EMB: variants seen among roughly 807,000 people sequenced by gnomAD.
The protein encoded by EMB is embigin homolog.
Under a neutral mutation model 41.4 loss-of-function variants are expected in EMB, and 31 were observed. The observed-to-expected ratio is 0.75, with a 90% confidence interval of 0.56 to 1.01. EMB has a LOEUF of 1.01. Among genes scored for constraint, EMB ranks in the 50% least tolerant of loss-of-function variants. The probability of loss-of-function intolerance (pLI) is 0.00; values close to 1 mark genes in which losing one functional copy is unlikely to be tolerated. For missense variants in EMB, 379 were observed against 388.3 expected, an observed-to-expected ratio of 0.98 and a Z score of 0.20; for synonymous variants, 137 against 140.4, an observed-to-expected ratio of 0.98 and a Z score of 0.17.
chr5:50,407,294 CT>C (rs1430955492), intron 4 of EMB, among the ~76,000 whole-genome samples: 1 of 151,980 alleles, frequency 6.6e-6, no homozygotes, highest in Non-Finnish European at 1.5e-5. Context: ...AGAATATACA[CT>C]GCTTTTCAGT....
chr5:50,431,153 G>C (rs1745714466), intron 1 of EMB, among the ~76,000 whole-genome samples: 1 of 152,136 alleles, frequency 6.6e-6, no homozygotes, highest in African/African-American at 2.4e-5. Flanking sequence ...AGGTTCCACG[G>C]AAAAAGTGCC....
At chr5:50,428,352 CAA>C (rs1225087079) in intron 1 of EMB, 125 bp from the exon 2 acceptor site, 1 of 1,273,586 alleles carries the variant, frequency 7.9e-7, no homozygotes, top group Non-Finnish European at 1.0e-6. Context: ...TCAGGAAGCT[CAA>C]AGTCTTATAT....
intron 2 of EMB, among the ~76,000 whole-genome samples, chr5:50,414,028 A>C (rs1579728489): frequency 6.6e-6 from 1 of 152,226 alleles, no homozygotes; most frequent in South Asian, 2.1e-4. Flanking sequence ...TGGGTAATAA[A>C]GCAATACAGA....
At chr5:50,435,709 A>G (rs1431141285) in intron 1 of EMB, among the ~76,000 whole-genome samples, 1 of 152,134 alleles carries the variant, frequency 6.6e-6, no homozygotes, top group Non-Finnish European at 1.5e-5. Context: ...TGATATTAGT[A>G]AGCATATTCT....
Position 50,403,422 on chromosome 5 carries a change from C to T in EMB, c.633G>A (p.Val211=), listed in dbSNP as rs370527951. Residue 211 remains valine (V), a synonymous_variant, in exon 6 of 9, where the codon GTG becomes GTA. Coordinates refer to ENST00000303221, the MANE Select transcript of EMB (RefSeq NM_198449.3). ...VPVGVQMNKY[V]INGTYANETK... ...TTTCGTTAGCATATGTTCCATTGAT[C>T]ACATATTTATTCATTTGAACACCAA... 6.2e-7 allele frequency: 1 copy of T among 1,612,224 alleles called. No individual in the cohort carries two copies. Among genetic ancestry groups the T allele is most frequent in the South Asian group, 1.1e-5 (1 of 91,042 alleles).
intron 1 of EMB, among the ~76,000 whole-genome samples, chr5:50,428,880 A>ATTTATTTTTATTTTTATT (rs1194386847): frequency 3.3e-5 from 5 of 151,294 alleles, no homozygotes; most frequent in African/African-American, 1.2e-4. Flanking sequence ...TATTTATTTT[A>ATTTATTTTTATTTTTATT]TTTATTTTTA....
intron 2 of EMB, among the ~76,000 whole-genome samples, chr5:50,419,050 T>C (rs1745472950): frequency 1.3e-5 from 2 of 152,190 alleles, no homozygotes; most frequent in African/African-American, 4.8e-5. Context: ...GTGGTAATCA[T>C]AGTACCAGTT....
chr5:50,408,215 A>G (rs1188159367), intron 4 of EMB, among the ~76,000 whole-genome samples: 1 of 151,444 alleles, frequency 6.6e-6, no homozygotes, highest in African/African-American at 2.4e-5. Context: ...TTCTTTACCA[A>G]TTAAATTTCT....
rs772489900 is a variant in EMB at position 50,405,721 on chromosome 5, T to G, written c.600+4A>C. Reference sequence around the variant, plus strand: ...GTTTTCTTCAAATCAAGGAACTATCTTACCTTTACACTCCCATTACTACTG... The same window carrying G: ...GTTTTCTTCAAATCAAGGAACTATCGTACCTTTACACTCCCATTACTACTG... On this transcript the variant is annotated splice_donor_region_variant and intron_variant, in intron 5 of 8. Coordinates refer to ENST00000303221, the MANE Select transcript of EMB (RefSeq NM_198449.3). 6.3e-7 allele frequency: 1 copy of G among 1,580,076 alleles called. No homozygotes were observed. Among genetic ancestry groups the G allele is most frequent in the Non-Finnish European group, 8.6e-7 (1 of 1,167,986 alleles).
intron 1 of EMB, among the ~76,000 whole-genome samples, chr5:50,432,283 A>C (rs1406551249): frequency 6.6e-6 from 1 of 152,188 alleles, no homozygotes; most frequent in African/African-American, 2.4e-5. Context: ...AAAATGTAAG[A>C]AGCAACTATT....
intron 1 of EMB, among the ~76,000 whole-genome samples, chr5:50,429,154 G>C (rs1035261892): frequency 2.0e-5 from 3 of 152,068 alleles, no homozygotes; most frequent in Non-Finnish European, 4.4e-5. Flanking sequence ...TCGGCCTCCC[G>C]AAGTACTGGG....
chr5:50,413,880 C>T (rs2668023), intron 2 of EMB, among the ~76,000 whole-genome samples: 152,213 of 152,308 alleles, frequency 1, 76,059 homozygotes, highest in Middle Eastern at 1. Context: ...TTTCAATAGA[C>T]AAATTTTAAA....
At chr5:50,428,785 C>G in intron 1 of EMB, 2 of 972,400 alleles carry the variant, frequency 2.1e-6, no homozygotes, top group Non-Finnish European at 2.4e-6. Flanking sequence ...TCCTCTGCCT[C>G]TGTCACTTCT....
At chr5:50,434,637 T>G (rs1745774970) in intron 1 of EMB, among the ~76,000 whole-genome samples, 1 of 152,224 alleles carries the variant, frequency 6.6e-6, no homozygotes, top group Admixed American at 6.5e-5. Context: ...CAGAAGTATA[T>G]AATTGCAAGG....
At position 50,435,657 on chromosome 5, in the gene EMB, T is replaced by A. The variant is rs551816952; in HGVS notation, c.112+5383A>T. On this transcript the variant is annotated intron_variant, in intron 1 of 8. Transcript: ENST00000303221. ...GTCTTTGATCATTTGATCAAAGTGC[T>A]GTCTGCCAAGCTTCTCCACTATAAA... 3.3e-5 allele frequency among the ~76,000 whole-genome samples: 5 copies of A among 152,356 alleles called. No individual in the cohort carries two copies. The South Asian group carries it at 1.0e-3, about 32-fold the overall frequency.
intron 5 of EMB, among the ~76,000 whole-genome samples, chr5:50,404,309 C>T (rs929825552): frequency 9.9e-5 from 15 of 151,920 alleles, no homozygotes; most frequent in African/African-American, 3.4e-4. Context: ...CAACCTGGCA[C>T]CATGTGCACA....
Position 50,441,137 on chromosome 5 carries a change from G to T in EMB, c.15C>A (p.Pro5=). Residue 5 remains proline, a synonymous_variant, in exon 1 of 9, where the codon CCC becomes CCA. Coordinates refer to ENST00000303221, the MANE Select transcript of EMB (RefSeq NM_198449.3). The part of the protein sequence containing the change: MRAL[P]GLLEARARTP... The stretch of plus-strand genomic sequence containing the variant: ...TACGCGCCCTGGCCTCCAGCAGGCC[G>T]GGGAGGGCGCGCATGGCGCCAGAGG... 1 of 1,501,866 alleles carries T rather than the reference G, an allele frequency of 6.7e-7. No individual in the cohort carries two copies. Among genetic ancestry groups the T allele is most frequent in the Non-Finnish European group, 8.9e-7 (1 of 1,128,910 alleles). The allele number at this position is 1,501,866 out of a possible 1,614,324, so 93.0% of individuals were successfully genotyped here. A position where few individuals can be genotyped will look rare whatever the true frequency, so the allele number is the denominator to read the frequency against.
intron 2 of EMB, among the ~76,000 whole-genome samples, chr5:50,427,373 G>T (rs1252719784): frequency 6.6e-6 from 1 of 151,934 alleles, no homozygotes; most frequent in African/African-American, 2.4e-5. Flanking sequence ...TGATGGGAAG[G>T]CACTAGAGCA....
intron 1 of EMB, among the ~76,000 whole-genome samples, chr5:50,437,278 A>AAATG (rs746741610): frequency 9.2e-5 from 14 of 152,136 alleles, no homozygotes; most frequent in Non-Finnish European, 1.3e-4. Flanking sequence ...CTCAAAAATT[A>AAATG]AATGAATGAA....
Sources: gnomAD v4.1 joint callset for allele counts (sites outside exome capture counted in the v4.1 genomes callset) on GRCh38, gnomAD v4.1.1 for gene constraint, MANE v1.5 for transcripts, NCBI Gene and HGNC (gene_info 2026-07-23, HGNC 2026-07-21) for gene names.